The following PTPRN2 variants were observed in gnomAD, a reference collection of about 807,000 sequenced individuals.
PTPRN2 encodes the protein receptor-type tyrosine-protein phosphatase N2.
PTPRN2 carries 74 observed loss-of-function variants against 118.8 expected under a neutral mutation model. That is an observed-to-expected ratio of 0.62 (90% CI 0.52 to 0.76). The LOEUF (loss-of-function observed/expected upper bound fraction) is 0.76, where lower values mean the gene tolerates loss of function less well. Ranked by LOEUF, PTPRN2 falls within the 30% of genes least tolerant of loss-of-function variation. The pLI is 0.00. For synonymous variants in PTPRN2, 641 were observed against 608.0 expected (o/e 1.05, Z -0.80); for missense variants, 1,481 against 1,394.4 (o/e 1.06, Z -0.99).
intron 1 of PTPRN2, among the ~76,000 whole-genome samples, chr7:158,571,834 C>T (rs1169135201): frequency 6.6e-6 from 1 of 152,126 alleles, no homozygotes; most frequent in Admixed American, 6.6e-5. Flanking sequence ...TAAATATCCA[C>T]GGAATAAAAT....
chr7:157,663,249 G>C (rs1270077162), intron 13 of PTPRN2, among the ~76,000 whole-genome samples: 1 of 152,130 alleles, frequency 6.6e-6, no homozygotes, highest in African/African-American at 2.4e-5. Context: ...ACTGAGCAAG[G>C]GCTGTGCGCG....
At chr7:157,601,984 G>A (rs1011871334) in intron 16 of PTPRN2, among the ~76,000 whole-genome samples, 3 of 152,224 alleles carry the variant, frequency 2.0e-5, no homozygotes, top group Non-Finnish European at 4.4e-5. Context: ...TGTTCATCAA[G>A]TGAGAGGCTG....
At chr7:158,444,037 TTCAG>T (rs113966649) in intron 2 of PTPRN2, among the ~76,000 whole-genome samples, 1,689 of 152,294 alleles carry the variant, frequency 0.011, 37 homozygotes, top group East Asian at 0.036. Context: ...GATGGCCCTG[TTCAG>T]TCAGGGTCCT....
intron 11 of PTPRN2, among the ~76,000 whole-genome samples, chr7:158,014,666 CATCT>C (rs1360713145): frequency 6.6e-6 from 1 of 151,882 alleles, no homozygotes; most frequent in Non-Finnish European, 1.5e-5. Context: ...ATCATCCATC[CATCT>C]ATTTACCCAT....
chr7:157,576,516 CCCTCGGCG>C, intron 19 of PTPRN2, 89 bp downstream of exon 19: 1 of 1,274,738 alleles, frequency 7.8e-7, no homozygotes, highest in Non-Finnish European at 1.0e-6. Context: ...ACAGACGCGG[CCCTCGGCG>C]CCAGGGGCGT....
chr7:157,770,486 T>C (rs537277557), intron 12 of PTPRN2, among the ~76,000 whole-genome samples: 2 of 152,356 alleles, frequency 1.3e-5, no homozygotes, highest in Admixed American at 6.5e-5. Context: ...CCAGAGAATG[T>C]AGGAATTATG....
At chr7:157,767,213 C>T (rs1003083712) in intron 12 of PTPRN2, among the ~76,000 whole-genome samples, 1 of 152,182 alleles carries the variant, frequency 6.6e-6, no homozygotes, top group African/African-American at 2.4e-5. Flanking sequence ...GCTGGGCACA[C>T]AGCACTCCAC....
chr7:158,079,548 G>A (rs575760801), intron 11 of PTPRN2, among the ~76,000 whole-genome samples: 1 of 152,318 alleles, frequency 6.6e-6, no homozygotes, highest in Admixed American at 6.5e-5. Flanking sequence ...GCCATTCCTA[G>A]CATCCTTGAG....
chr7:158,171,341 A>G (rs1823678818), intron 5 of PTPRN2, among the ~76,000 whole-genome samples: 1 of 131,998 alleles, frequency 7.6e-6, no homozygotes, highest in Non-Finnish European at 1.6e-5. Flanking sequence ...ATATATATAT[A>G]TATATATACA....
chr7:157,548,844 C>G (rs542377272), intron 22 of PTPRN2, 102 bp downstream of exon 22: 4 of 1,146,920 alleles, frequency 3.5e-6, no homozygotes, highest in Non-Finnish European at 5.2e-6. Flanking sequence ...AATCGGTGTG[C>G]GGCTCACATT....
At position 158,151,112 on chromosome 7, in the gene PTPRN2, C is replaced by A. The variant is rs1306001233; in HGVS notation, c.911-12597G>T. Among the ~76,000 whole-genome samples the A allele has an allele frequency of 1.3e-3, 77 of 57,948 alleles. 15 individuals carry two copies. Among genetic ancestry groups the A allele is most frequent in the African/African-American group, 5.7e-3 (71 of 12,540 alleles). 38.0% of individuals were successfully genotyped at this position (57,948 alleles called of 152,430 possible). On this transcript the variant is annotated intron_variant, in intron 6 of 22. Transcript: ENST00000389418. ...GCCCAAACCGCCCGCCTTTCTGCTC[C>A]TACCCCTGCCCACACCGCCCGCCTT...
chr7:157,775,758 C>A (rs948097049), intron 12 of PTPRN2, among the ~76,000 whole-genome samples: 1 of 152,098 alleles, frequency 6.6e-6, no homozygotes, highest in Non-Finnish European at 1.5e-5. Flanking sequence ...GCCCCAGGCC[C>A]GGGTCATGGT....
rs139388767 is a variant in PTPRN2, at chr7:158,086,329, G to A, written c.1644-4952C>T. The stretch of plus-strand genomic sequence containing the variant: ...CATCAGAACAGACACACAGCCTGGC[G>A]TCCGCCTGCACCACTCCACACAGCT... On this transcript the variant is annotated intron_variant, in intron 10 of 22. Coordinates refer to ENST00000389418, the MANE Select transcript of PTPRN2 (RefSeq NM_002847.5). 3.0e-3 allele frequency among the ~76,000 whole-genome samples: 452 copies of A among 152,282 alleles called. 2 individuals carry two copies. Among genetic ancestry groups the A allele is most frequent in the African/African-American group, 9.8e-3 (407 of 41,562 alleles).
chr7:157,709,247 C>G (rs552756111), intron 12 of PTPRN2, among the ~76,000 whole-genome samples: 1 of 152,348 alleles, frequency 6.6e-6, no homozygotes, highest in African/African-American at 2.4e-5. Context: ...TGCCACAGAT[C>G]AATACGATGC....
chr7:157,757,056 G>A (rs1801824827), intron 12 of PTPRN2, among the ~76,000 whole-genome samples: 1 of 152,216 alleles, frequency 6.6e-6, no homozygotes, highest in Non-Finnish European at 1.5e-5. Flanking sequence ...AAGCAAACGG[G>A]CAGTGGATGG....
intron 6 of PTPRN2, among the ~76,000 whole-genome samples, chr7:158,163,065 C>T (rs1326579900): frequency 6.6e-6 from 1 of 152,198 alleles, no homozygotes; most frequent in Non-Finnish European, 1.5e-5. Context: ...CTTCAGAAAT[C>T]ATTCGATGTC....
intron 13 of PTPRN2, among the ~76,000 whole-genome samples, chr7:157,664,832 A>G (rs1041786998): frequency 1.3e-5 from 2 of 152,216 alleles, no homozygotes; most frequent in African/African-American, 4.8e-5. Context: ...TTATAAAGCA[A>G]AATCAACAAC....
At chr7:157,972,204 C>A (rs550526373) in intron 11 of PTPRN2, among the ~76,000 whole-genome samples, 1 of 152,324 alleles carries the variant, frequency 6.6e-6, no homozygotes, top group Non-Finnish European at 1.5e-5. Flanking sequence ...TCTCTGGCAC[C>A]CAGCATGCCA....
chr7:158,125,354 T>C (rs1457975369), intron 9 of PTPRN2, among the ~76,000 whole-genome samples: 1 of 146,142 alleles, frequency 6.8e-6, no homozygotes, highest in African/African-American at 2.6e-5. Flanking sequence ...AGCCGCCCCC[T>C]GCCTCGCGTC....
Sources: gnomAD v4.1 joint callset for allele counts (sites outside exome capture counted in the v4.1 genomes callset) on GRCh38, gnomAD v4.1.1 for gene constraint, MANE v1.5 for transcripts, NCBI Gene and HGNC (gene_info 2026-07-23, HGNC 2026-07-21) for gene names.